Variants in GNAI2 observed in about 807,000 individuals in gnomAD.
The protein encoded by GNAI2 is G protein subunit alpha i2.
GNAI2 carries 4 observed loss-of-function variants against 36.8 expected under a neutral mutation model. That is an observed-to-expected ratio of 0.11 (90% CI 0.05 to 0.25). GNAI2 has a LOEUF of 0.25. Ranked by LOEUF, GNAI2 falls within the 10% of genes least tolerant of loss-of-function variation. GNAI2 has a pLI of 1.00. For missense variants in GNAI2, 230 were observed against 481.3 expected (o/e 0.48, Z 4.89); for synonymous variants, 194 against 194.1 (o/e 1.00, Z 0.01).
rs1357313987 is a variant in GNAI2 at position 50,256,405 on chromosome 3, A to G, written c.593+85A>G. The G allele has an allele frequency of 8.6e-6, 11 of 1,284,694 alleles. No homozygotes were observed. The Admixed American group carries it at 1.7e-4, about 20-fold the overall frequency. The allele number at this position is 1,284,694 out of a possible 1,614,324, so 79.6% of individuals were successfully genotyped here. A position where few individuals can be genotyped will look rare whatever the true frequency, so the allele number is the denominator to read the frequency against. On this transcript the variant is annotated intron_variant, in intron 5 of 8. Transcript: ENST00000313601. The stretch of plus-strand genomic sequence containing the variant: ...GGCAGGGGCTGGTCCAGGATCCCCC[A>G]GCCCCACTGAGGTTTTACAAGGCTC...
chr3:50,228,186 C>G (rs1437997749), upstream of GNAI2, among the ~76,000 whole-genome samples: 1 of 152,232 alleles, frequency 6.6e-6, no homozygotes, highest in African/African-American at 2.4e-5. Context: ...TGCCCACCTC[C>G]TATCCTCCCA....
chr3:50,250,677 C>T (rs1481672636), intron 1 of GNAI2, among the ~76,000 whole-genome samples: 1 of 152,180 alleles, frequency 6.6e-6, no homozygotes, highest in Non-Finnish European at 1.5e-5. Context: ...GCCTCCACTC[C>T]CTCTGGCCCC....
chr3:50,256,889 G>T, intron 6 of GNAI2, 37 bp downstream of exon 6: 1 of 1,613,666 alleles, frequency 6.2e-7, no homozygotes, highest in African/African-American at 1.3e-5. Flanking sequence ...TGGGGGCAGC[G>T]GGCTTGGGGA....
chr3:50,230,922 A>C (rs1553699733), exon 1 of GNAI2: 1 of 985,228 alleles, frequency 1.0e-6, no homozygotes, highest in African/African-American at 1.7e-5. Flanking sequence ...TGAGATGCCC[A>C]CGATGTACCT....
chr3:50,254,624 A>G (rs1259095910), intron 4 of GNAI2, among the ~76,000 whole-genome samples: 1 of 152,202 alleles, frequency 6.6e-6, no homozygotes, highest in Non-Finnish European at 1.5e-5. Context: ...CCTCCCTGAG[A>G]TCTCTGGCCC....
At chr3:50,256,593 T>C (rs1369597908) in intron 5 of GNAI2, 130 bp from the exon 6 acceptor site, 1 of 996,900 alleles carries the variant, frequency 1.0e-6, no homozygotes, top group African/African-American at 1.6e-5. Flanking sequence ...AGTGGGCAAG[T>C]GTGGATGATT....
At position 50,253,346 on chromosome 3, in the gene GNAI2, G is replaced by A. The variant is rs1050799994; in HGVS notation, c.464+162G>A. 6.6e-6 allele frequency among the ~76,000 whole-genome samples: 1 copy of A among 151,766 alleles called. No homozygotes were observed. The highest frequency in any genetic ancestry group is 2.4e-5 in the African/African-American group (1 of 41,246). ...TCCTGTTTTTTGGTTTGGGGGGTGG[G>A]TGGGTGTCACGTTACTGAAAGGCCA... On this transcript the variant is annotated intron_variant, in intron 4 of 8. Transcript: ENST00000313601. The surrounding 1 kb of genome is among the most constrained non-coding windows in gnomAD (Gnocchi z 4.2).
Position 50,236,275 on chromosome 3 carries a change from GGCCGA to G in GNAI2, c.-56_-52del. 8.1e-7 allele frequency: 1 copy of G among 1,237,616 alleles called. No homozygotes were observed. The highest frequency in any genetic ancestry group is 1.0e-6 in the Non-Finnish European group (1 of 990,094). 76.7% of individuals were successfully genotyped at this position (1,237,616 alleles called of 1,614,324 possible). A position where few individuals can be genotyped will look rare whatever the true frequency, so the allele number is the denominator to read the frequency against. ...GGTGGGAGCGGAGTGGGTCGGGCGGGGCCGAGCCGGGCCGTGGGCCGTGTGGGGGC... is the reference window on the plus strand; with the variant it reads ...GGTGGGAGCGGAGTGGGTCGGGCGGGGCCGGGCCGTGGGCCGTGTGGGGGC... On this transcript the variant is annotated 5_prime_UTR_variant, in exon 1 of 9. Transcript: ENST00000313601. This position sits in a 1 kb window ranked among gnomAD's most constrained non-coding sequence, Gnocchi z 4.0.
chr3:50,247,000 T>A, intron 1 of GNAI2: 1 of 1,345,924 alleles, frequency 7.4e-7, no homozygotes, highest in South Asian at 1.3e-5. Flanking sequence ...CTGCTCTTTA[T>A]CTGAAAATCT....
chr3:50,249,751 C>G (rs1284935509), intron 1 of GNAI2, among the ~76,000 whole-genome samples: 1 of 152,266 alleles, frequency 6.6e-6, no homozygotes, highest in Admixed American at 6.5e-5. Flanking sequence ...TCCCCTCATC[C>G]TGGAAAGCAG....
chr3:50,232,552 G>A (rs1700087080), upstream of GNAI2, among the ~76,000 whole-genome samples: 1 of 152,206 alleles, frequency 6.6e-6, no homozygotes, highest in Non-Finnish European at 1.5e-5. Flanking sequence ...TTTGCAAACT[G>A]CTCCTCAGAG....
intron 7 of GNAI2, 101 bp downstream of exon 7, chr3:50,257,191 T>C (rs782700577): frequency 4.9e-6 from 5 of 1,012,354 alleles, no homozygotes; most frequent in African/African-American, 1.6e-5. Context: ...TGGACAGAAG[T>C]GTAACCTTGG....
chr3:50,256,792 C>T lies in GNAI2; in HGVS notation c.663C>T (p.Ala221=). 1 of 1,614,136 alleles carries T rather than the reference C, an allele frequency of 6.2e-7. No homozygotes were observed. Among genetic ancestry groups the T allele is most frequent in the Non-Finnish European group, 8.5e-7 (1 of 1,179,956 alleles). ...TCCACTGCTTTGAGGGCGTCACAGC[C>T]ATCATCTTCTGCGTAGCCTTGAGCG... ...KWIHCFEGVT[A]IIFCVALSAY... The change falls in exon 6 of 9, where the codon GCC becomes GCT. Residue 221 remains alanine (A), a synonymous_variant. Transcript: ENST00000313601.
In GNAI2 at chr3:50,241,820, G is replaced by A. The variant is rs1553701198; in HGVS notation, c.118+5367G>A. Among the ~76,000 whole-genome samples the A allele has an allele frequency of 6.6e-6, 1 of 152,164 alleles. No homozygotes were observed. The highest frequency in any genetic ancestry group is 2.4e-5 in the African/African-American group (1 of 41,434). ...GATGGTCCGGGACCCCTTTGGCCCT[G>A]GGCAGCTTGTCAGCGGTTGGCCCTG... On this transcript the variant is annotated intron_variant, in intron 1 of 8. Transcript: ENST00000313601. The surrounding 1 kb of genome is among the most constrained non-coding windows in gnomAD (Gnocchi z 5.0).
At chr3:50,257,146 C>T in intron 7 of GNAI2, 56 bp downstream of exon 7, 1 of 1,513,016 alleles carries the variant, frequency 6.6e-7, no homozygotes, top group Non-Finnish European at 9.1e-7. Flanking sequence ...CCCAAGTAGC[C>T]TATGGTGACC....
At chr3:50,236,161 C>A (rs1575437671), upstream of GNAI2, 5 of 1,163,806 alleles carry the variant, frequency 4.3e-6, no homozygotes, top group Non-Finnish European at 5.3e-6. This position sits in a 1 kb window ranked among gnomAD's most constrained non-coding sequence, Gnocchi z 4.0. Flanking sequence ...ACCCCCGGCC[C>A]GCCCCGCCGT....
At chr3:50,246,866 G>C in intron 1 of GNAI2, 2 of 1,425,542 alleles carry the variant, frequency 1.4e-6, no homozygotes, top group South Asian at 3.0e-5. Context: ...GGGAAGTGAC[G>C]ACACAGCGGA....
At chr3:50,239,002 C>T (rs1553700708) in intron 1 of GNAI2, among the ~76,000 whole-genome samples, 2 of 152,226 alleles carry the variant, frequency 1.3e-5, no homozygotes, top group Non-Finnish European at 1.5e-5. Context: ...TGATGTGGTA[C>T]ACACAGGCAA....
At chr3:50,230,465 C>T (rs1308930361), upstream of GNAI2, 1 of 152,174 alleles carries the variant, frequency 6.6e-6, no homozygotes, top group African/African-American at 2.4e-5. Flanking sequence ...CTACCTAGTC[C>T]TGGACTCTGG....
Sources: gnomAD v4.1 joint callset for allele counts (sites outside exome capture counted in the v4.1 genomes callset) on GRCh38, gnomAD v4.1.1 for gene constraint, Gnocchi (gnomAD v3.1) non-coding constraint, MANE v1.5 for transcripts, NCBI Gene and HGNC (gene_info 2026-07-23, HGNC 2026-07-21) for gene names.